SFI1: variants seen among roughly 807,000 people sequenced by gnomAD.
SFI1 encodes the protein SFI1 centrin binding protein.
Under a neutral mutation model 207.5 loss-of-function variants are expected in SFI1, and 195 were observed. That is an observed-to-expected ratio of 0.94 (90% confidence interval 0.84 to 1.06). The LOEUF (loss-of-function observed/expected upper bound fraction) is 1.06, where lower values mean the gene tolerates loss of function less well. SFI1 is among the 50% of genes least tolerant of loss of function. SFI1 has a pLI of 0.00. For synonymous variants in SFI1, 630 were observed against 598.9 expected (o/e 1.05, Z -0.76); for missense variants, 1,634 against 1,588.0 (o/e 1.03, Z -0.49).
chr22:31,613,140 A>T lies in SFI1; in HGVS notation c.2491-2A>T. On this transcript the variant is annotated splice_acceptor_variant, in intron 24 of 32. Coordinates refer to ENST00000400288, the MANE Select transcript of SFI1 (RefSeq NM_001007467.3). LOFTEE classifies it high-confidence loss of function. ...GAAATGATCTGGTCTTTCTGGCCCT[A>T]GCTGGCAGCCAGGAGGCAGGAGCAG... 6.2e-7 allele frequency: 1 copy of T among 1,613,248 alleles called. No homozygotes were observed. Among genetic ancestry groups the T allele is most frequent in the Non-Finnish European group, 8.5e-7 (1 of 1,179,962 alleles).
intron 7 of SFI1, among the ~76,000 whole-genome samples, chr22:31,557,619 G>A (rs1045895391): frequency 6.6e-6 from 1 of 152,150 alleles, no homozygotes; most frequent in African/African-American, 2.4e-5. Context: ...TAAACCCTGT[G>A]TTAAGTTTGT....
chr22:31,602,309 TGAG>T lies in SFI1; in HGVS notation c.1626+20_1626+22del. The T allele has an allele frequency of 6.2e-7, 1 of 1,609,362 alleles. No homozygotes were observed. On this transcript the variant is annotated intron_variant, in intron 16 of 32. Transcript: ENST00000400288. The stretch of plus-strand genomic sequence containing the variant: ...AGAGAGAATGGTAAATGGCTGTCCC[TGAG>T]GAGATGTGTGGAGGGGCAGGATCTG...
intron 2 of SFI1, among the ~76,000 whole-genome samples, chr22:31,511,530 C>T (rs1052832821): frequency 7.1e-5 from 10 of 140,976 alleles, no homozygotes; most frequent in South Asian, 2.3e-4. Context: ...GTGCATGGCG[C>T]GATCTCCGCT....
At chr22:31,523,142 T>C (rs912667015) in intron 2 of SFI1, among the ~76,000 whole-genome samples, 1 of 152,228 alleles carries the variant, frequency 6.6e-6, no homozygotes, top group Non-Finnish European at 1.5e-5. Flanking sequence ...AAAATAAATA[T>C]TTTTAAAGCA....
At chr22:31,566,118 C>T (rs952759248) in intron 8 of SFI1, among the ~76,000 whole-genome samples, 7 of 142,810 alleles carry the variant, frequency 4.9e-5, no homozygotes, top group Admixed American at 2.8e-4. Context: ...CATTCTTTTT[C>T]TATTTTTTTT....
Position 31,585,129 on chromosome 22 carries a change from A to G in SFI1, c.1408A>G (p.Lys470Glu), listed in dbSNP as rs1286762014. 2 of 1,613,846 alleles carry G rather than the reference A, an allele frequency of 1.2e-6. No homozygotes were observed. Among genetic ancestry groups the G allele is most frequent in the East Asian group, 4.5e-5 (2 of 44,872 alleles). Residue 470 changes from lysine to glutamate, a missense_variant, in exon 14 of 33, where the codon AAG becomes GAG. By Grantham distance (56) the Lys-to-Glu change is moderately conservative. Transcript: ENST00000400288. ...ACAGTATACTCAGAAGAGGCGGTACAAGCAGGTATGGAGTACTTTTTAGCA... is the reference window on the plus strand; with the variant it reads ...ACAGTATACTCAGAAGAGGCGGTACGAGCAGGTATGGAGTACTTTTTAGCA... ...WLQYTQKRRY[K>E]QLLQARADGH...
In SFI1 at chr22:31,540,583, AT is replaced by A. The variant is rs755660066; in HGVS notation, c.339-6262del. On this transcript the variant is annotated intron_variant, in intron 4 of 32. Coordinates refer to ENST00000400288, the MANE Select transcript of SFI1 (RefSeq NM_001007467.3). ...GCGTGAGCCACCGCGCCCAGCCTAC[AT>A]TTTTTTTTTTTTTTTAAACAGAGTT... Among the ~76,000 whole-genome samples, 1,250 of 132,040 alleles carry A rather than the reference AT, an allele frequency of 9.5e-3. 5 individuals are homozygous for A. The highest frequency in any genetic ancestry group is 0.019 in the African/African-American group (678 of 35,762). 86.6% of individuals were successfully genotyped at this position (132,040 alleles called of 152,430 possible). A position where few individuals can be genotyped will look rare whatever the true frequency, so the allele number is the denominator to read the frequency against.
chr22:31,544,579 C>T (rs369805953), intron 4 of SFI1, among the ~76,000 whole-genome samples: 18 of 151,894 alleles, frequency 1.2e-4, no homozygotes, highest in Admixed American at 4.6e-4. Context: ...ATAGTGAAAC[C>T]GTGCCTCTAC....
In SFI1 at chr22:31,531,124, A is replaced by G; in HGVS notation, c.333A>G (p.Lys111=). 1 of 1,612,536 alleles carries G rather than the reference A, an allele frequency of 6.2e-7. No homozygotes were observed. Among genetic ancestry groups the G allele is most frequent in the Non-Finnish European group, 8.5e-7 (1 of 1,179,026 alleles). The change falls in exon 4 of 33, where the codon AAA becomes AAG. Residue 111 remains lysine, a synonymous_variant. Transcript: ENST00000400288. The part of the protein sequence containing the change: ...RMTFGRVFPS[K]ARFYYEQRLL... ...CTTTTGGAAGAGTATTTCCCTCTAA[A>G]GCCAGGTAGTATTAGCTCAGAACAA...
chr22:31,557,118 T>C (rs762864438), intron 7 of SFI1, 59 bp downstream of exon 7: 13 of 1,045,562 alleles, frequency 1.2e-5, no homozygotes, highest in Non-Finnish European at 1.7e-5. Context: ...ATCAGCTTTA[T>C]GGTGCTGGAA....
chr22:31,512,897 A>G (rs968691306), intron 2 of SFI1, among the ~76,000 whole-genome samples: 4 of 152,064 alleles, frequency 2.6e-5, no homozygotes, highest in African/African-American at 9.7e-5. Flanking sequence ...CATGTTAGCC[A>G]GGATGGTCTT....
At chr22:31,615,395 CTCA>C in intron 29 of SFI1, 116 bp downstream of exon 29, 1 of 984,686 alleles carries the variant, frequency 1.0e-6, no homozygotes, top group Non-Finnish European at 1.4e-6. Flanking sequence ...AGGGAGGCCA[CTCA>C]TCCATTTGAC....
At chr22:31,607,289 T>C (rs570779539) in intron 21 of SFI1, among the ~76,000 whole-genome samples, 1 of 152,272 alleles carries the variant, frequency 6.6e-6, no homozygotes, top group East Asian at 1.9e-4. Context: ...GTATACGACG[T>C]AGGTGTGTTC....
At chr22:31,531,575 C>G (rs547593866) in intron 4 of SFI1, among the ~76,000 whole-genome samples, 1 of 152,124 alleles carries the variant, frequency 6.6e-6, no homozygotes, top group Admixed American at 6.5e-5. Context: ...GCCTGGCCAA[C>G]CTGGTGAAAC....
intron 6 of SFI1, among the ~76,000 whole-genome samples, chr22:31,555,775 C>T (rs546189249): frequency 1.3e-5 from 2 of 152,280 alleles, no homozygotes; most frequent in South Asian, 2.1e-4. Context: ...AACCACAGCA[C>T]TATACTAGTC....
At chr22:31,531,025 A>T (rs917665874) in intron 3 of SFI1, 33 bp from the exon 4 acceptor site, 1 of 1,585,792 alleles carries the variant, frequency 6.3e-7, no homozygotes, top group Admixed American at 1.7e-5. Context: ...ATGGAATTTT[A>T]AAATATGTAT....
chr22:31,617,989 G>C, intron 31 of SFI1, 126 bp from the exon 32 acceptor site: 2 of 1,048,464 alleles, frequency 1.9e-6, no homozygotes, highest in South Asian at 3.3e-5. Context: ...CAGGTCAGGG[G>C]CCCTACCAGA....
intron 2 of SFI1, among the ~76,000 whole-genome samples, chr22:31,514,165 G>A (rs2056112186): frequency 3.2e-5 from 3 of 94,386 alleles, no homozygotes; most frequent in Admixed American, 1.2e-4. Flanking sequence ...AAAAAAAAAT[G>A]TAGTACTGAA....
chr22:31,570,288 T>C (rs2092905), intron 8 of SFI1, among the ~76,000 whole-genome samples: 110,313 of 152,082 alleles, frequency 0.73, 40,394 homozygotes, highest in Non-Finnish European at 0.77. Context: ...ACTGACATCT[T>C]TAAAAGATGT....
Sources: allele counts gnomAD v4.1 joint callset (sites outside exome capture counted in the v4.1 genomes callset), GRCh38; gene constraint gnomAD v4.1.1; transcripts MANE v1.5; gene names NCBI Gene and HGNC (gene_info 2026-07-23, HGNC 2026-07-21).